The following PRKAG2 variants were observed in gnomAD, a reference collection of about 807,000 sequenced individuals.
The protein encoded by PRKAG2 is 5'-AMP-activated protein kinase subunit gamma-2.
In PRKAG2, 26 loss-of-function variants were observed where a neutral mutation model predicts 69.6. That is an observed-to-expected ratio of 0.37 (90% confidence interval 0.27 to 0.52). PRKAG2 has a LOEUF of 0.52. Ranked by LOEUF, PRKAG2 falls within the 20% of genes least tolerant of loss-of-function variation. The probability of loss-of-function intolerance (pLI) is 0.90; values close to 1 mark genes in which losing one functional copy is unlikely to be tolerated. For missense variants in PRKAG2, 557 were observed against 740.0 expected (o/e 0.75, Z 2.87); for synonymous variants, 293 against 285.0 (o/e 1.03, Z -0.28).
At chr7:151,557,714 A>G in intron 15 of PRKAG2, 1 of 485,226 alleles carries the variant, frequency 2.1e-6, no homozygotes, top group Non-Finnish European at 2.7e-6. Context: ...TACTAAAAAT[A>G]CAAAAATTAG....
intron 1 of PRKAG2, among the ~76,000 whole-genome samples, chr7:151,802,362 G>A (rs111339053): frequency 7.9e-5 from 12 of 152,212 alleles, no homozygotes; most frequent in African/African-American, 2.6e-4. Flanking sequence ...TCAGGTCTTC[G>A]TGCCCAAAGT....
intron 9 of PRKAG2, among the ~76,000 whole-genome samples, chr7:151,571,504 T>C (rs7807134): frequency 0.15 from 22,138 of 152,200 alleles, 1,722 homozygotes; most frequent in African/African-American, 0.18. Flanking sequence ...CCACCGCACC[T>C]GGCCTTGCTT....
chr7:151,739,840 C>G (rs571175235), intron 3 of PRKAG2, among the ~76,000 whole-genome samples: 10 of 152,288 alleles, frequency 6.6e-5, no homozygotes, highest in African/African-American at 1.7e-4. Context: ...GTTTTCAGCT[C>G]TGCCTGCTGA....
chr7:151,794,232 G>A (rs574911289), intron 1 of PRKAG2, among the ~76,000 whole-genome samples: 12 of 152,288 alleles, frequency 7.9e-5, no homozygotes, highest in African/African-American at 9.6e-5. Flanking sequence ...GAGGCCACCC[G>A]GGGCTTCCCT....
In PRKAG2 at chr7:151,642,179, C is replaced by T. The variant is rs1289004692; in HGVS notation, c.685-10041G>A. On this transcript the variant is annotated intron_variant, in intron 4 of 15. Transcript: ENST00000287878. Reference sequence around the variant, plus strand: ...TGAAACACTGTCTCTGCTAAAAATACAGAAAAAAAAAAAATTAGCCAGGCA... The same window carrying T: ...TGAAACACTGTCTCTGCTAAAAATATAGAAAAAAAAAAAATTAGCCAGGCA... Among the ~76,000 whole-genome samples the T allele has an allele frequency of 2.7e-5, 4 of 148,040 alleles. No homozygotes were observed. The South Asian group carries it at 6.4e-4, about 24-fold the overall frequency.
rs549519953 is a variant in PRKAG2, at chr7:151,583,030, T to C, written c.865-6578A>G. On this transcript the variant is annotated intron_variant, in intron 6 of 15. Coordinates refer to ENST00000287878, the MANE Select transcript of PRKAG2 (RefSeq NM_016203.4). The surrounding 1 kb of genome is among the most constrained non-coding windows in gnomAD (Gnocchi z 4.1). ...AAGCCAACAGAAATTTCTTCTTTTT[T>C]TCACTTTGGAGACAGGGTCTTACTC... Among the ~76,000 whole-genome samples, 48 of 152,310 alleles carry C rather than the reference T, an allele frequency of 3.2e-4. No individual in the cohort carries two copies. The highest frequency in any genetic ancestry group is 1.1e-3 in the African/African-American group (46 of 41,576).
rs116666871 is a variant in PRKAG2 at position 151,865,372 on chromosome 7, C to T, written c.114+11135G>A. Among the ~76,000 whole-genome samples, 903 of 152,406 alleles carry T rather than the reference C, an allele frequency of 5.9e-3. 8 individuals carry two copies. The highest frequency in any genetic ancestry group is 0.02 in the African/African-American group (838 of 41,600). ...GCCAAGCCAGCCCCAACCACGAGAACTTCCCAGCTGACAGAGAGAACAGTG... is the reference window on the plus strand; with the variant it reads ...GCCAAGCCAGCCCCAACCACGAGAATTTCCCAGCTGACAGAGAGAACAGTG... On this transcript the variant is annotated intron_variant, in intron 1 of 15. Transcript: ENST00000287878.
intron 3 of PRKAG2, among the ~76,000 whole-genome samples, chr7:151,739,930 G>A (rs1409707891): frequency 6.6e-6 from 1 of 152,124 alleles, no homozygotes; most frequent in Non-Finnish European, 1.5e-5. Context: ...TCCCCAAAGA[G>A]GGGACTTTTC....
At chr7:151,846,658 G>A (rs139676060) in intron 1 of PRKAG2, among the ~76,000 whole-genome samples, 1 of 152,288 alleles carries the variant, frequency 6.6e-6, no homozygotes, top group East Asian at 1.9e-4. Flanking sequence ...GTCTGTATGT[G>A]TAGGTGTGTA....
At chr7:151,761,138 C>G (rs919800589) in intron 3 of PRKAG2, among the ~76,000 whole-genome samples, 1 of 152,192 alleles carries the variant, frequency 6.6e-6, no homozygotes, top group African/African-American at 2.4e-5. Context: ...TTCCTGGGCA[C>G]ACACAGGCCA....
intron 5 of PRKAG2, among the ~76,000 whole-genome samples, chr7:151,597,302 C>T (rs7794333): frequency 5.9e-5 from 9 of 152,040 alleles, no homozygotes; most frequent in African/African-American, 1.7e-4. Flanking sequence ...TGAAAATCTA[C>T]GACCCAAACT....
intron 1 of PRKAG2, among the ~76,000 whole-genome samples, chr7:151,802,413 G>A (rs112984121): frequency 2.6e-5 from 4 of 152,126 alleles, no homozygotes; most frequent in Admixed American, 6.5e-5. Context: ...GGGTGCCAAC[G>A]TTTCCCAAAG....
intron 11 of PRKAG2, among the ~76,000 whole-genome samples, chr7:151,568,409 T>C (rs978110982): frequency 1.3e-5 from 2 of 152,220 alleles, no homozygotes; most frequent in African/African-American, 4.8e-5. Flanking sequence ...AGTCCTCAAT[T>C]AGACTTGCAG....
chr7:151,596,859 C>A (rs1485745939), intron 5 of PRKAG2, among the ~76,000 whole-genome samples: 2 of 152,016 alleles, frequency 1.3e-5, no homozygotes, highest in Non-Finnish European at 2.9e-5. Context: ...CCACACTATC[C>A]ACTGTGATCT....
chr7:151,741,881 C>T (rs1208025275), intron 3 of PRKAG2, among the ~76,000 whole-genome samples: 1 of 152,110 alleles, frequency 6.6e-6, no homozygotes, highest in Non-Finnish European at 1.5e-5. Context: ...ACAAATAATT[C>T]GGAGAAATTC....
In PRKAG2 at chr7:151,772,766, G is replaced by A. The variant is rs145416014; in HGVS notation, c.466+8386C>T. Among the ~76,000 whole-genome samples the A allele has an allele frequency of 2.0e-3, 311 of 151,958 alleles. 2 individuals are homozygous for A. Among genetic ancestry groups the A allele is most frequent in the African/African-American group, 6.5e-3 (270 of 41,426 alleles). Reference sequence around the variant, plus strand: ...TTTGGGAGGCTGAGGTGGGAGGATCGCTTGAGTACAGGAGCTTGAGACTAG... The same window carrying A: ...TTTGGGAGGCTGAGGTGGGAGGATCACTTGAGTACAGGAGCTTGAGACTAG... On this transcript the variant is annotated intron_variant, in intron 3 of 15. Coordinates refer to ENST00000287878, the MANE Select transcript of PRKAG2 (RefSeq NM_016203.4).
intron 3 of PRKAG2, among the ~76,000 whole-genome samples, chr7:151,710,587 C>T (rs1795133069): frequency 6.6e-6 from 1 of 152,250 alleles, no homozygotes; most frequent in Admixed American, 6.5e-5. Flanking sequence ...CCTCTCCCTG[C>T]TCTTGCATCT....
At chr7:151,843,293 G>A (rs1280675767) in intron 1 of PRKAG2, among the ~76,000 whole-genome samples, 2 of 152,154 alleles carry the variant, frequency 1.3e-5, no homozygotes, top group Non-Finnish European at 2.9e-5. Flanking sequence ...TATGTCTCAC[G>A]TTGTCGTTTC....
chr7:151,727,937 C>T (rs563805423), intron 3 of PRKAG2, among the ~76,000 whole-genome samples: 3 of 152,220 alleles, frequency 2.0e-5, no homozygotes, highest in Non-Finnish European at 4.4e-5. Context: ...CTTCCTCCTC[C>T]TGCAGTCATG....
Sources: gnomAD v4.1 joint callset for allele counts (sites outside exome capture counted in the v4.1 genomes callset) on GRCh38, gnomAD v4.1.1 for gene constraint, Gnocchi (gnomAD v3.1) non-coding constraint, MANE v1.5 for transcripts, NCBI Gene and HGNC (gene_info 2026-07-23, HGNC 2026-07-21) for gene names.